PHACTR4: variants seen among roughly 807,000 people sequenced by gnomAD.
PHACTR4 encodes the protein protein phosphatase 1, regulatory subunit 124.
PHACTR4 carries 51 observed loss-of-function variants against 72.7 expected under a neutral mutation model. That is an observed-to-expected ratio of 0.70 (90% CI 0.56 to 0.89). The LOEUF is 0.89. Ranked by LOEUF, PHACTR4 falls within the 40% of genes least tolerant of loss-of-function variation. The pLI, the probability that PHACTR4 is intolerant of heterozygous loss-of-function variation, is 0.00. For missense variants in PHACTR4, 731 were observed against 861.8 expected (o/e 0.85, Z 1.90); for synonymous variants, 255 against 302.5 (o/e 0.84, Z 1.63).
At position 28,432,914 on chromosome 1, in the gene PHACTR4, A is replaced by ATT. The variant is rs66647759; in HGVS notation, c.16+25462_16+25463dup. The ATT allele has an allele frequency of 5.7e-3, 909 of 158,864 alleles. 1 individual carries two copies. Among genetic ancestry groups the ATT allele is most frequent in the Non-Finnish European group, 9.8e-3 (759 of 77,222 alleles). The allele number at this position is 158,864 out of a possible 1,614,324, so 9.8% of individuals were successfully genotyped here. On this transcript the variant is annotated intron_variant, in intron 2 of 13. Transcript: ENST00000373839. ...GCCACCATGCCTGACTAATTTTTGT[A>ATT]TTTTTTTTTTTTGTAGAGATGGGGT...
chr1:28,496,461 A>G (rs897055753), intron 13 of PHACTR4, 73 bp from the exon 14 acceptor site: 1 of 1,527,738 alleles, frequency 6.5e-7, no homozygotes, highest in Non-Finnish European at 9.1e-7. Flanking sequence ...ATAACATTTC[A>G]TTACTACTGA....
chr1:28,466,408 G>A lies in PHACTR4; in HGVS notation c.463G>A (p.Glu155Lys), dbSNP rs1659170746. ...CTCAACTGGAAGCCAGCCTAATTCT[G>A]AAGCAGAGTCTGTTCCTGAGAATGT... ...LGSTGSQPNS[E>K]AESVPENVPK... Residue 155 changes from glutamate (E) to lysine (K), a missense_variant, in exon 6 of 14, where the codon GAA becomes AAA. Glu to Lys is a moderately conservative substitution (Grantham distance 56). Coordinates refer to ENST00000373839, the MANE Select transcript of PHACTR4 (RefSeq NM_001048183.3). 4 of 1,612,308 alleles carry A rather than the reference G, an allele frequency of 2.5e-6. No homozygotes were observed. The African/African-American group carries it at 4.0e-5, about 16-fold the overall frequency.
intron 2 of PHACTR4, among the ~76,000 whole-genome samples, chr1:28,445,320 C>A (rs1002455736): frequency 1.3e-5 from 2 of 152,088 alleles, no homozygotes; most frequent in Non-Finnish European, 2.9e-5. Flanking sequence ...AACTCCTGGG[C>A]TCATGCGATC....
intron 2 of PHACTR4, 99 bp downstream of exon 2, chr1:28,407,562 T>TA (rs1654445013): frequency 1.0e-6 from 1 of 1,004,468 alleles, no homozygotes; most frequent in Admixed American, 2.0e-5. Flanking sequence ...TCATATTCAG[T>TA]ATGCTACTCT....
Position 28,476,092 on chromosome 1 carries a change from A to G in PHACTR4, c.1422-15A>G, listed in dbSNP as rs941781363. 6.3e-7 allele frequency: 1 copy of G among 1,581,502 alleles called. No homozygotes were observed. The highest frequency in any genetic ancestry group is 1.4e-5 in the African/African-American group (1 of 72,672). On this transcript the variant is annotated splice_polypyrimidine_tract_variant and intron_variant, in intron 7 of 13. Coordinates refer to ENST00000373839, the MANE Select transcript of PHACTR4 (RefSeq NM_001048183.3). ...TCATTTCTAAAAGGAAAATATAATT[A>G]TGTTAATTTGTTAGTCCAGACGATG...
chr1:28,379,804 T>G (rs1164926843), intron 1 of PHACTR4, among the ~76,000 whole-genome samples: 12 of 150,652 alleles, frequency 8.0e-5, no homozygotes, highest in Non-Finnish European at 1.6e-4. Context: ...TTAGCCAGGA[T>G]GATCTCGATC....
chr1:28,437,043 C>G lies in PHACTR4; in HGVS notation c.17-22042C>G, dbSNP rs549609667. ...ATTCTCAGAAAAGGTATATTCAATC[C>G]TAAAATACTGTTTCTAATGTTATTA... On this transcript the variant is annotated intron_variant, in intron 2 of 13. Coordinates refer to ENST00000373839, the MANE Select transcript of PHACTR4 (RefSeq NM_001048183.3). Among the ~76,000 whole-genome samples the G allele has an allele frequency of 2.0e-5, 3 of 152,218 alleles. No homozygotes were observed. In the South Asian group the frequency reaches 6.2e-4, roughly 32 times the overall value.
intron 2 of PHACTR4, among the ~76,000 whole-genome samples, chr1:28,456,185 C>G (rs907598272): frequency 1.2e-4 from 19 of 152,258 alleles, no homozygotes; most frequent in African/African-American, 4.6e-4. Flanking sequence ...AACTGCCCTG[C>G]TTCTGGGGAG....
At chr1:28,414,817 G>A (rs1655006714) in intron 2 of PHACTR4, among the ~76,000 whole-genome samples, 1 of 152,158 alleles carries the variant, frequency 6.6e-6, no homozygotes, top group Non-Finnish European at 1.5e-5. Context: ...TGAAGATCAT[G>A]GAGTAGGGAA....
intron 2 of PHACTR4, among the ~76,000 whole-genome samples, chr1:28,417,748 T>C (rs1046274528): frequency 6.6e-5 from 10 of 152,230 alleles, no homozygotes; most frequent in Non-Finnish European, 1.5e-5. Context: ...AGCTCTATAA[T>C]GCTATATCAA....
intron 1 of PHACTR4, among the ~76,000 whole-genome samples, chr1:28,371,344 G>C (rs1651232203): frequency 6.6e-6 from 1 of 152,120 alleles, no homozygotes; most frequent in Non-Finnish European, 1.5e-5. Flanking sequence ...ACCCAGGCTG[G>C]AATGCAATGG....
intron 2 of PHACTR4, among the ~76,000 whole-genome samples, chr1:28,439,835 CA>C (rs1482970950): frequency 6.6e-6 from 1 of 152,052 alleles, no homozygotes; most frequent in African/African-American, 2.4e-5. Flanking sequence ...GTTTCTACGC[CA>C]AACATTAGTT....
At position 28,480,442 on chromosome 1, in the gene PHACTR4, T is replaced by C. The variant is rs75460743; in HGVS notation, c.1607-9T>C. Reference sequence around the variant, plus strand: ...AAGTTCTACATTTTTTTCTTCCCCGTGTGCAAAGGTGCTCTCGCCAACAAA... The same window carrying C: ...AAGTTCTACATTTTTTTCTTCCCCGCGTGCAAAGGTGCTCTCGCCAACAAA... On this transcript the variant is annotated splice_polypyrimidine_tract_variant and intron_variant, in intron 8 of 13. Transcript: ENST00000373839. The C allele has an allele frequency of 6.2e-7, 1 of 1,613,246 alleles. No homozygotes were observed. The highest frequency in any genetic ancestry group is 1.1e-5 in the South Asian group (1 of 90,998).
intron 1 of PHACTR4, 146 bp from the exon 2 acceptor site, chr1:28,407,264 A>AG (rs146400683): frequency 0.19 from 68,727 of 367,140 alleles, 6,423 homozygotes; most frequent in African/African-American, 0.27. Context: ...AAAAAAAAAA[A>AG]CTATCATTTA....
intron 2 of PHACTR4, among the ~76,000 whole-genome samples, chr1:28,454,756 T>C (rs772503489): frequency 1.3e-5 from 2 of 152,194 alleles, no homozygotes; most frequent in African/African-American, 2.4e-5. Context: ...TAATGTATTA[T>C]AAATTTGGGA....
chr1:28,385,315 A>G (rs1652472222), intron 1 of PHACTR4, among the ~76,000 whole-genome samples: 2 of 151,970 alleles, frequency 1.3e-5, no homozygotes, highest in Non-Finnish European at 2.9e-5. Flanking sequence ...AGGCCGAGGC[A>G]GGTGGATCAC....
At chr1:28,438,593 G>A (rs1389346565) in intron 2 of PHACTR4, among the ~76,000 whole-genome samples, 4 of 152,154 alleles carry the variant, frequency 2.6e-5, no homozygotes, top group African/African-American at 9.7e-5. Flanking sequence ...GGAACATGGC[G>A]AGAAACTTTA....
intron 9 of PHACTR4, among the ~76,000 whole-genome samples, chr1:28,484,538 GTA>G (rs760521141): frequency 3.2e-4 from 48 of 150,910 alleles, no homozygotes; most frequent in African/African-American, 1.1e-3. Context: ...GTGTGTATGT[GTA>G]TATATATGTG....
intron 2 of PHACTR4, among the ~76,000 whole-genome samples, chr1:28,426,797 C>G (rs904480193): frequency 2.6e-5 from 4 of 151,950 alleles, no homozygotes; most frequent in African/African-American, 9.7e-5. Context: ...ATCCTCCCAC[C>G]TTGGCCTCCC....
Sources: gnomAD v4.1 joint callset for allele counts (sites outside exome capture counted in the v4.1 genomes callset) on GRCh38, gnomAD v4.1.1 for gene constraint, MANE v1.5 for transcripts, NCBI Gene and HGNC (gene_info 2026-07-23, HGNC 2026-07-21) for gene names.